The following RBFOX1 variants were observed in gnomAD, a reference collection of about 807,000 sequenced individuals.
RBFOX1 encodes the protein RNA binding protein fox-1 homolog 1.
In RBFOX1, 8 loss-of-function variants were observed where a neutral mutation model predicts 57.7. That is an observed-to-expected ratio of 0.14 (90% CI 0.08 to 0.25). The LOEUF (loss-of-function observed/expected upper bound fraction) is 0.25, where lower values mean the gene tolerates loss of function less well. RBFOX1 is among the 10% of genes least tolerant of loss of function. The pLI is 1.00. For missense variants in RBFOX1, 611 were observed against 548.5 expected, an observed-to-expected ratio of 1.11 and a Z score of -1.14; for synonymous variants, 326 against 222.4, an observed-to-expected ratio of 1.47 and a Z score of -4.15.
At chr16:5,683,261 C>G (rs1358492945) in intron 3 of RBFOX1, among the ~76,000 whole-genome samples, 1 of 152,234 alleles carries the variant, frequency 6.6e-6, no homozygotes, top group East Asian at 1.9e-4. Context: ...AGGTCTTACC[C>G]AAGAGATTCT....
rs150750088 is a variant in RBFOX1, at chr16:5,527,307, A to T, written c.258+60053A>T. Among the ~76,000 whole-genome samples the T allele has an allele frequency of 4.7e-3, 722 of 152,246 alleles. 7 individuals are homozygous for T. Among genetic ancestry groups the T allele is most frequent in the African/African-American group, 0.017 (698 of 41,536 alleles). ...ACAAGGAAGCTGCTTGTACACAAGG[A>T]CACCTACCTGCAAGGAACACTGGGA... is the stretch of plus-strand genomic sequence containing the variant. On this transcript the variant is annotated intron_variant, in intron 2 of 2. Coordinates refer to the RBFOX1 transcript ENST00000585867.
At chr16:6,219,831 A>G (rs1000312802) in intron 1 of RBFOX1, among the ~76,000 whole-genome samples, 3 of 152,152 alleles carry the variant, frequency 2.0e-5, no homozygotes, top group African/African-American at 4.8e-5. Flanking sequence ...AGCCGAGATT[A>G]TGCTATCGTG....
At chr16:7,346,762 A>T (rs141715306) in intron 4 of RBFOX1, among the ~76,000 whole-genome samples, 33 of 152,232 alleles carry the variant, frequency 2.2e-4, no homozygotes, top group African/African-American at 7.9e-4. Flanking sequence ...GACCCATAAG[A>T]TTCATGAGAC....
intron 3 of RBFOX1, among the ~76,000 whole-genome samples, chr16:6,868,419 A>T (rs536863796): frequency 6.6e-6 from 1 of 152,144 alleles, no homozygotes; most frequent in Non-Finnish European, 1.5e-5. Context: ...CAAATTGGTA[A>T]AGTTGCCAGG....
At chr16:7,049,410 C>A (rs1169755110) in intron 3 of RBFOX1, among the ~76,000 whole-genome samples, 4 of 151,936 alleles carry the variant, frequency 2.6e-5, no homozygotes, top group African/African-American at 9.7e-5. Context: ...CCTGAGATTG[C>A]CTGGAGACTG....
At chr16:7,366,062 A>G (rs867412552) in intron 4 of RBFOX1, among the ~76,000 whole-genome samples, 1 of 152,172 alleles carries the variant, frequency 6.6e-6, no homozygotes. Flanking sequence ...GCGGAGGTCC[A>G]GGGCTCATCA....
intron 2 of RBFOX1, among the ~76,000 whole-genome samples, chr16:6,384,942 A>G: frequency 6.6e-6 from 1 of 152,180 alleles, no homozygotes; most frequent in East Asian, 1.9e-4. Flanking sequence ...ACACCCAGAA[A>G]CTGCTCCATT....
At chr16:7,633,474 A>C (rs8048999) in intron 11 of RBFOX1, among the ~76,000 whole-genome samples, 1 of 152,020 alleles carries the variant, frequency 6.6e-6, no homozygotes, top group Non-Finnish European at 1.5e-5. Flanking sequence ...ATTTTAATCT[A>C]TTCCCCCATT....
At chr16:7,692,921 A>G (rs951869043) in intron 14 of RBFOX1, among the ~76,000 whole-genome samples, 1 of 151,804 alleles carries the variant, frequency 6.6e-6, no homozygotes, top group Non-Finnish European at 1.5e-5. Flanking sequence ...CTAGAATTTT[A>G]TAATTTTTCT....
At chr16:7,290,110 T>G (rs2095738420) in intron 4 of RBFOX1, among the ~76,000 whole-genome samples, 1 of 152,152 alleles carries the variant, frequency 6.6e-6, no homozygotes, top group Non-Finnish European at 1.5e-5. Context: ...AGAAACCATT[T>G]TAGAAATAAA....
At chr16:5,496,710 C>T (rs1208048829) in intron 2 of RBFOX1, among the ~76,000 whole-genome samples, 1 of 152,132 alleles carries the variant, frequency 6.6e-6, no homozygotes, top group Non-Finnish European at 1.5e-5. Flanking sequence ...TACTGAACTC[C>T]CTGCATTTCC....
intron 4 of RBFOX1, among the ~76,000 whole-genome samples, chr16:7,212,744 A>G (rs4539616): frequency 0.58 from 88,920 of 152,040 alleles, 26,429 homozygotes; most frequent in African/African-American, 0.66. Flanking sequence ...CCTAGATGAC[A>G]GGTTGATAGG....
intron 2 of RBFOX1, among the ~76,000 whole-genome samples, chr16:5,548,256 G>A (rs2045316611): frequency 6.8e-6 from 1 of 146,674 alleles, no homozygotes; most frequent in African/African-American, 2.5e-5. Flanking sequence ...GGAAGAGTGG[G>A]AAAACTAACT....
chr16:5,403,968 A>T (rs2066791785), intron 1 of RBFOX1, among the ~76,000 whole-genome samples: 2 of 151,432 alleles, frequency 1.3e-5, no homozygotes. Flanking sequence ...CAATGACAAG[A>T]AGGACTTGGC....
chr16:7,489,215 C>T (rs149374308), intron 4 of RBFOX1, among the ~76,000 whole-genome samples: 77 of 152,158 alleles, frequency 5.1e-4, no homozygotes, highest in African/African-American at 1.8e-3. Context: ...TTTTAGGGAA[C>T]GTGTAACTGA....
At chr16:5,850,746 C>T (rs2056874746) in intron 3 of RBFOX1, among the ~76,000 whole-genome samples, 1 of 152,158 alleles carries the variant, frequency 6.6e-6, no homozygotes, top group Admixed American at 6.5e-5. Flanking sequence ...GGTGAAAGAA[C>T]CCACAAGGGC....
chr16:6,598,067 G>C (rs932402070), intron 2 of RBFOX1, among the ~76,000 whole-genome samples: 1 of 152,176 alleles, frequency 6.6e-6, no homozygotes, highest in Non-Finnish European at 1.5e-5. Context: ...GGTCAGGTTT[G>C]GTTTTCTGGT....
At chr16:5,913,849 A>G (rs1265939949) in intron 4 of RBFOX1, among the ~76,000 whole-genome samples, 1 of 152,238 alleles carries the variant, frequency 6.6e-6, no homozygotes, top group East Asian at 1.9e-4. Context: ...ATCATGTACC[A>G]GACACCATGC....
At chr16:7,202,447 G>T (rs8058449) in intron 4 of RBFOX1, among the ~76,000 whole-genome samples, 27,295 of 151,956 alleles carry the variant, frequency 0.18, 2,656 homozygotes, top group East Asian at 0.37. Context: ...AAATAGAACT[G>T]CCAGATGATC....
Sources: allele counts gnomAD v4.1 joint callset (sites outside exome capture counted in the v4.1 genomes callset), GRCh38; gene constraint gnomAD v4.1.1; transcripts MANE v1.5; gene names NCBI Gene and HGNC (gene_info 2026-07-23, HGNC 2026-07-21).